The following CAND1 variants were observed in gnomAD, a reference collection of about 807,000 sequenced individuals.
CAND1 encodes cullin associated and neddylation dissociated 1.
A neutral mutation model predicts 108.5 loss-of-function variants in CAND1; 7 were observed. The ratio of observed to expected loss-of-function variants is 0.06; its 90% CI spans 0.04 to 0.12. CAND1 has a LOEUF of 0.12. CAND1 is among the 10% of genes least tolerant of loss of function. The pLI is 1.00. For missense variants in CAND1, 941 were observed against 1,448.7 expected (o/e 0.65, Z 5.69); for synonymous variants, 534 against 512.0 (o/e 1.04, Z -0.58).
At position 67,307,378 on chromosome 12, in the gene CAND1, G is replaced by A. The variant is rs2044898515; in HGVS notation, c.2930-19G>A. 6.3e-7 allele frequency: 1 copy of A among 1,585,516 alleles called. No individual in the cohort carries two copies. On this transcript the variant is annotated intron_variant, in intron 10 of 14. Transcript: ENST00000545606. ...TAGTGGACTACATACCAATAGACTT[G>A]CAATTTATTTTTAACTAGGCTCATC...
intron 9 of CAND1, 146 bp from the exon 10 acceptor site, chr12:67,304,958 A>G (rs1303636755): frequency 1.1e-6 from 1 of 872,658 alleles, no homozygotes. Flanking sequence ...ATTTGGCTGT[A>G]ATATTTATTG....
intron 2 of CAND1, among the ~76,000 whole-genome samples, chr12:67,287,674 T>C (rs2044684277): frequency 1.3e-5 from 2 of 151,970 alleles, no homozygotes; most frequent in South Asian, 4.1e-4. Flanking sequence ...GACTTGTCGG[T>C]TTATTAATTT....
At position 67,297,528 on chromosome 12, in the gene CAND1, A is replaced by G; in HGVS notation, c.613A>G (p.Ser205Gly). The change falls in exon 5 of 15, where the codon AGC (serine) becomes GGC (glycine). Residue 205 changes from serine to glycine, a missense_variant. By Grantham distance (56) the Ser-to-Gly change is moderately conservative (BLOSUM62 0). Coordinates refer to ENST00000545606, the MANE Select transcript of CAND1 (RefSeq NM_018448.5). ...TIIALGHLVMSCGNIVFVDLI... is the reference protein window; with the variant it reads ...TIIALGHLVMGCGNIVFVDLI... ...TATCGCTCTTGGCCATCTGGTTATGAGCTGTGGAAATATAGTTTTTGTAGA... is the reference window on the plus strand; with the variant it reads ...TATCGCTCTTGGCCATCTGGTTATGGGCTGTGGAAATATAGTTTTTGTAGA... 6.2e-7 allele frequency: 1 copy of G among 1,614,126 alleles called. No individual in the cohort carries two copies. Among genetic ancestry groups the G allele is most frequent in the Middle Eastern group, 1.6e-4 (1 of 6,062 alleles).
In CAND1 at chr12:67,313,622, A is replaced by G. The variant is rs2044977384; in HGVS notation, c.*792A>G. On this transcript the variant is annotated 3_prime_UTR_variant, in exon 15 of 15. Transcript: ENST00000545606. The stretch of plus-strand genomic sequence containing the variant: ...CCAGTGTGAATTTGCAGATGTTTTC[A>G]GAAAATCAAGTCACAGTAACAATTT... The G allele has an allele frequency of 6.6e-6, 1 of 152,618 alleles. No individual in the cohort carries two copies. The highest frequency in any genetic ancestry group is 1.5e-5 in the Non-Finnish European group (1 of 68,022). 9.5% of individuals were successfully genotyped at this position (152,618 alleles called of 1,614,324 possible).
intron 2 of CAND1, among the ~76,000 whole-genome samples, chr12:67,289,413 G>A (rs1314917894): frequency 6.6e-6 from 1 of 151,938 alleles, no homozygotes; most frequent in Non-Finnish European, 1.5e-5. Flanking sequence ...TTTTAAGGCA[G>A]GGTCTCAACC....
chr12:67,294,358 G>T (rs1023389696), intron 3 of CAND1, among the ~76,000 whole-genome samples: 23 of 151,776 alleles, frequency 1.5e-4, no homozygotes, highest in African/African-American at 4.4e-4. Context: ...CGGAATCTTT[G>T]GGTTGGAAAG....
In CAND1 at chr12:67,317,864, A is replaced by C. The variant is rs897993610; in HGVS notation, c.*5034A>C. The C allele has an allele frequency of 6.6e-6, 1 of 152,226 alleles. No homozygotes were observed. The highest frequency in any genetic ancestry group is 1.5e-5 in the Non-Finnish European group (1 of 68,096). The allele number at this position is 152,226 out of a possible 1,614,324, so 9.4% of individuals were successfully genotyped here. On this transcript the variant is annotated 3_prime_UTR_variant, in exon 15 of 15. Transcript: ENST00000545606. Reference sequence around the variant, plus strand: ...CCAACCACCTGCTATACATCTCATAAAGGTATCTCAAACACAGCATATCTA... The same window carrying C: ...CCAACCACCTGCTATACATCTCATACAGGTATCTCAAACACAGCATATCTA...
chr12:67,312,845 T>A lies in CAND1; in HGVS notation c.*15T>A. The A allele has an allele frequency of 6.6e-7, 1 of 1,516,800 alleles. No individual in the cohort carries two copies. The allele number at this position is 1,516,800 out of a possible 1,614,324, so 94.0% of individuals were successfully genotyped here. ...ACACTAGTTAGATGTTTGTTCACCATGGGGACCATTACATATGACCATACA... is the reference window on the plus strand; with the variant it reads ...ACACTAGTTAGATGTTTGTTCACCAAGGGGACCATTACATATGACCATACA... On this transcript the variant is annotated 3_prime_UTR_variant, in exon 15 of 15. Transcript: ENST00000545606.
intron 7 of CAND1, among the ~76,000 whole-genome samples, chr12:67,300,114 C>T (rs1004463892): frequency 6.6e-6 from 1 of 152,144 alleles, no homozygotes; most frequent in African/African-American, 2.4e-5. Context: ...TTGACTCTGC[C>T]TATCGTATTA....
At chr12:67,300,107 A>C (rs2044809638) in intron 7 of CAND1, among the ~76,000 whole-genome samples, 1 of 151,974 alleles carries the variant, frequency 6.6e-6, no homozygotes, top group Non-Finnish European at 1.5e-5. Context: ...CAAATGTTTG[A>C]CTCTGCCTAT....
intron 3 of CAND1, among the ~76,000 whole-genome samples, chr12:67,293,409 G>A (rs1429602539): frequency 6.6e-6 from 1 of 152,198 alleles, no homozygotes; most frequent in East Asian, 1.9e-4. Flanking sequence ...TGTCTCATCT[G>A]CAAAAGGTGA....
intron 1 of CAND1, among the ~76,000 whole-genome samples, chr12:67,281,561 C>G (rs533049506): frequency 5.9e-5 from 9 of 152,160 alleles, no homozygotes; most frequent in African/African-American, 1.9e-4. Context: ...AGCAGTGATG[C>G]AATTAATTAG....
chr12:67,276,247 T>C (rs1440777578), intron 1 of CAND1, among the ~76,000 whole-genome samples: 1 of 152,314 alleles, frequency 6.6e-6, no homozygotes, highest in Non-Finnish European at 1.5e-5. Context: ...TAGAGACTGC[T>C]CTCCTAAAAT....
At position 67,302,630 on chromosome 12, in the gene CAND1, A is replaced by T; in HGVS notation, c.1293+15A>T. ...TTCAGAGTCAGGTGGGTTTTAAAGTAAAGTTTAGAAAATCATGATAGTAAA... is the reference window on the plus strand; with the variant it reads ...TTCAGAGTCAGGTGGGTTTTAAAGTTAAGTTTAGAAAATCATGATAGTAAA... On this transcript the variant is annotated intron_variant, in intron 8 of 14. Coordinates refer to ENST00000545606, the MANE Select transcript of CAND1 (RefSeq NM_018448.5). 1 of 1,590,280 alleles carries T rather than the reference A, an allele frequency of 6.3e-7. No individual in the cohort carries two copies. Among genetic ancestry groups the T allele is most frequent in the Non-Finnish European group, 8.6e-7 (1 of 1,164,388 alleles).
intron 1 of CAND1, among the ~76,000 whole-genome samples, chr12:67,280,494 A>G (rs985009139): frequency 1.3e-5 from 2 of 152,194 alleles, no homozygotes; most frequent in African/African-American, 4.8e-5. Flanking sequence ...GTAGTGTACA[A>G]AATAACGTAT....
Position 67,269,583 on chromosome 12 carries a change from T to C in CAND1, c.-135T>C. ...CGTCGAGGCGCCTCCCTAGTCAGCG[T>C]CGGCGTCGCGCTGCGACCCTGGAAG... On this transcript the variant is annotated 5_prime_UTR_variant, in exon 1 of 15. Transcript: ENST00000545606. 1.5e-6 allele frequency: 1 copy of C among 685,646 alleles called. No homozygotes were observed. Among genetic ancestry groups the C allele is most frequent in the Non-Finnish European group, 2.4e-6 (1 of 415,142 alleles). 42.5% of individuals were successfully genotyped at this position (685,646 alleles called of 1,614,324 possible).
chr12:67,278,577 G>A (rs904753989), intron 1 of CAND1, among the ~76,000 whole-genome samples: 1 of 152,066 alleles, frequency 6.6e-6, no homozygotes, highest in African/African-American at 2.4e-5. Context: ...GTAGTGCAGT[G>A]GCTCAATCTC....
rs548203700 is a variant in CAND1, at chr12:67,316,285, G to C, written c.*3455G>C. 6.6e-6 allele frequency: 1 copy of C among 152,154 alleles called. No homozygotes were observed. The highest frequency in any genetic ancestry group is 2.4e-5 in the African/African-American group (1 of 41,446). 9.4% of individuals were successfully genotyped at this position (152,154 alleles called of 1,614,324 possible). A position where few individuals can be genotyped will look rare whatever the true frequency, so the allele number is the denominator to read the frequency against. On this transcript the variant is annotated 3_prime_UTR_variant, in exon 15 of 15. Coordinates refer to ENST00000545606, the MANE Select transcript of CAND1 (RefSeq NM_018448.5). ...TAAAATTCATTTGATAATTTTGGTT[G>C]CAAAAGTGGAACACAGTGGAAGTAT... is the stretch of plus-strand genomic sequence containing the variant.
At chr12:67,286,705 T>C (rs1276074519) in intron 2 of CAND1, among the ~76,000 whole-genome samples, 2 of 152,102 alleles carry the variant, frequency 1.3e-5, no homozygotes, top group African/African-American at 4.8e-5. Context: ...TCTTTTATGG[T>C]TATTGTTTTC....
Sources: gnomAD v4.1 joint callset for allele counts (sites outside exome capture counted in the v4.1 genomes callset) on GRCh38, gnomAD v4.1.1 for gene constraint, MANE v1.5 for transcripts, NCBI Gene and HGNC (gene_info 2026-07-23, HGNC 2026-07-21) for gene names.